Variants in STK3 observed in about 807,000 individuals in gnomAD.
The protein encoded by STK3 is serine/threonine kinase 3, also known as serine/threonine-protein kinase 3.
In STK3, 41 loss-of-function variants were observed where a neutral mutation model predicts 58.0. The ratio of observed to expected loss-of-function variants is 0.71; its 90% confidence interval spans 0.55 to 0.92. The LOEUF is 0.92. Ranked by LOEUF, STK3 falls within the 40% of genes least tolerant of loss-of-function variation. STK3 has a pLI of 0.00. For missense variants in STK3, 479 were observed against 602.7 expected, an observed-to-expected ratio of 0.79 and a Z score of 2.15; for synonymous variants, 170 against 191.0, an observed-to-expected ratio of 0.89 and a Z score of 0.91.
chr8:98,530,838 C>G (rs183825494), intron 9 of STK3, among the ~76,000 whole-genome samples: 35 of 152,372 alleles, frequency 2.3e-4, no homozygotes, highest in Non-Finnish European at 4.4e-4. Flanking sequence ...ACAATGTTCA[C>G]AGCATCTTCA....
chr8:98,874,592 CAT>C (rs950925281), intron 3 of STK3, among the ~76,000 whole-genome samples: 18 of 151,546 alleles, frequency 1.2e-4, no homozygotes, highest in African/African-American at 4.1e-4. Flanking sequence ...TATATATAAA[CAT>C]ATATATATAT....
At chr8:98,758,322 C>A (rs1451715118) in intron 3 of STK3, among the ~76,000 whole-genome samples, 3 of 152,144 alleles carry the variant, frequency 2.0e-5, no homozygotes, top group Non-Finnish European at 4.4e-5. Flanking sequence ...CATTCTGATA[C>A]CAAAATGTGG....
chr8:98,428,384 G>A lies in STK3; in HGVS notation n.483+5743C>T. 1 of 1,614,168 alleles carries A rather than the reference G, an allele frequency of 6.2e-7. No homozygotes were observed. The highest frequency in any genetic ancestry group is 8.5e-7 in the Non-Finnish European group (1 of 1,180,026). ...AAGTAGAGCCCGAGCAGGAGAAGTG[G>A]GACGAGCAGAGTGACCAGGAGAGCA... On this transcript the variant is annotated intron_variant and non_coding_transcript_variant, in intron 3 of 3. Coordinates refer to the STK3 transcript ENST00000517832. This position sits in a 1 kb window ranked among gnomAD's most constrained non-coding sequence, Gnocchi z 6.7.
intron 3 of STK3, among the ~76,000 whole-genome samples, chr8:98,750,686 G>C (rs1418356968): frequency 1.3e-5 from 2 of 151,694 alleles, no homozygotes; most frequent in Non-Finnish European, 2.9e-5. Flanking sequence ...AAGAAGAGCT[G>C]GTACCATCCC....
chr8:98,637,384 C>T (rs371301139), intron 6 of STK3, among the ~76,000 whole-genome samples: 2 of 151,582 alleles, frequency 1.3e-5, no homozygotes, highest in South Asian at 4.2e-4. Flanking sequence ...TAAACATGGG[C>T]CAATTAGTTT....
At chr8:98,837,300 A>G (rs1835780902) in intron 3 of STK3, among the ~76,000 whole-genome samples, 1 of 151,562 alleles carries the variant, frequency 6.6e-6, no homozygotes, top group African/African-American at 2.4e-5. Context: ...GTAATAAACT[A>G]TCAGTAAGTT....
At chr8:98,635,182 A>G (rs991620841) in intron 6 of STK3, among the ~76,000 whole-genome samples, 2 of 152,174 alleles carry the variant, frequency 1.3e-5, no homozygotes, top group African/African-American at 2.4e-5. Context: ...TTTTTAAGCA[A>G]TAAGCATGCT....
intron 4 of STK3, among the ~76,000 whole-genome samples, chr8:98,713,546 T>C (rs373880044): frequency 7.2e-5 from 11 of 151,978 alleles, no homozygotes; most frequent in South Asian, 2.1e-4. Context: ...ATAAATTCCT[T>C]GACACATACA....
rs147436768 is a variant in STK3 at position 98,635,972 on chromosome 8, A to T, written c.685-39803T>A. 2.6e-5 allele frequency among the ~76,000 whole-genome samples: 4 copies of T among 152,222 alleles called. No homozygotes were observed. The East Asian group carries it at 7.7e-4, about 29-fold the overall frequency. On this transcript the variant is annotated intron_variant, in intron 6 of 10. Transcript: ENST00000419617. ...AGGCATCGTCTAACCATCTTTCAAT[A>T]AGTTTTTAGTACATTACCTATTTTT...
chr8:98,865,601 T>C (rs1450721456), intron 3 of STK3, among the ~76,000 whole-genome samples: 2 of 152,126 alleles, frequency 1.3e-5, no homozygotes, highest in Non-Finnish European at 1.5e-5. Context: ...CCTCCCACCT[T>C]ATTCCCCCAA....
At chr8:98,894,550 C>A (rs76102480) in intron 1 of STK3, among the ~76,000 whole-genome samples, 4,351 of 152,210 alleles carry the variant, frequency 0.029, 86 homozygotes, top group Non-Finnish European at 0.041. Context: ...TGTTTGTTCC[C>A]AGCATTTATT....
At chr8:98,769,534 T>A (rs1356106394) in intron 2 of STK3, among the ~76,000 whole-genome samples, 1 of 152,246 alleles carries the variant, frequency 6.6e-6, no homozygotes, top group Non-Finnish European at 1.5e-5. Flanking sequence ...TTAAACCTCT[T>A]TCTTTCGTAA....
chr8:98,713,562 C>A (rs1440031815), intron 4 of STK3, among the ~76,000 whole-genome samples: 1 of 152,090 alleles, frequency 6.6e-6, no homozygotes, highest in East Asian at 1.9e-4. Flanking sequence ...ATACACCCTC[C>A]CAAGACTAAA....
intron 6 of STK3, among the ~76,000 whole-genome samples, chr8:98,682,058 A>C (rs1346220290): frequency 2.0e-5 from 3 of 152,236 alleles, no homozygotes; most frequent in Non-Finnish European, 4.4e-5. Context: ...ATCCAGAAAA[A>C]GCAATGAAAA....
chr8:98,817,736 T>C (rs896858499), intron 1 of STK3, among the ~76,000 whole-genome samples: 1 of 152,090 alleles, frequency 6.6e-6, no homozygotes, highest in African/African-American at 2.4e-5. Flanking sequence ...AACTCCAAAA[T>C]ATCGCAAATC....
At chr8:98,603,386 G>A (rs111851726) in intron 6 of STK3, 7,065 of 152,002 alleles carry the variant, frequency 0.046, 172 homozygotes, top group East Asian at 0.064. Context: ...ACAGGTGCCC[G>A]CCACCATGCC....
intron 1 of STK3, among the ~76,000 whole-genome samples, chr8:98,927,147 C>T (rs1467066149): frequency 6.6e-6 from 1 of 152,232 alleles, no homozygotes; most frequent in Non-Finnish European, 1.5e-5. Flanking sequence ...TTTAGGGCTA[C>T]ATTAGGCCTG....
At chr8:98,874,806 TA>T (rs1302537066) in intron 3 of STK3, among the ~76,000 whole-genome samples, 74 of 151,388 alleles carry the variant, frequency 4.9e-4, no homozygotes, top group African/African-American at 1.5e-3. Context: ...TTTTTTTTTT[TA>T]AAGATGGGGT....
the STK3 span, among the ~76,000 whole-genome samples, chr8:98,357,148 A>C: frequency 2.0e-5 from 3 of 152,300 alleles, no homozygotes; most frequent in South Asian, 2.1e-4. Context: ...ATAATTTTCA[A>C]GTCCAGTGGG....
Sources: allele counts gnomAD v4.1 joint callset (sites outside exome capture counted in the v4.1 genomes callset), GRCh38; gene constraint gnomAD v4.1.1; non-coding constraint Gnocchi (gnomAD v3.1); transcripts MANE v1.5; gene names NCBI Gene and HGNC (gene_info 2026-07-23, HGNC 2026-07-21).